SAMMSON: variants seen among roughly 807,000 people sequenced by gnomAD.
SAMMSON encodes survival associated mitochondrial melanoma specific oncogenic non-coding RNA.
At chr3:70,400,512 G>A (rs977265905) in intron 2 of SAMMSON, among the ~76,000 whole-genome samples, 9 of 152,122 alleles carry the variant, frequency 5.9e-5, no homozygotes, top group Admixed American at 4.6e-4. Context: ...CTCACCAGAC[G>A]CAGCTGCCCA....
chr3:70,059,808 C>G (rs556933705), intron 3 of SAMMSON, among the ~76,000 whole-genome samples: 11 of 152,030 alleles, frequency 7.2e-5, no homozygotes, highest in Non-Finnish European at 1.3e-4. Flanking sequence ...CTATGGGGGA[C>G]TTTCTAGCTG....
At chr3:70,333,375 AT>A (rs1249995842) in intron 7 of SAMMSON, among the ~76,000 whole-genome samples, 3 of 151,946 alleles carry the variant, frequency 2.0e-5, no homozygotes, top group African/African-American at 4.8e-5. Flanking sequence ...AATTAAAATA[AT>A]AAAAAATATT....
intron 3 of SAMMSON, among the ~76,000 whole-genome samples, chr3:70,049,486 T>C (rs2067138739): frequency 6.6e-6 from 1 of 152,166 alleles, no homozygotes; most frequent in Admixed American, 6.5e-5. Context: ...AACCTTGCCA[T>C]TGCCATTTAT....
At chr3:70,041,110 G>T (rs756996236) in intron 3 of SAMMSON, among the ~76,000 whole-genome samples, 2 of 152,070 alleles carry the variant, frequency 1.3e-5, no homozygotes, top group African/African-American at 2.4e-5. Flanking sequence ...TTTGCATGGG[G>T]CTTCTTCTAA....
chr3:70,367,803 G>C (rs1221906448), intron 9 of SAMMSON, among the ~76,000 whole-genome samples: 2 of 151,510 alleles, frequency 1.3e-5, no homozygotes, highest in Non-Finnish European at 3.0e-5. Flanking sequence ...AAATTTCATA[G>C]TGTTTTTCAT....
At chr3:70,164,779 T>C (rs1209515453) in intron 4 of SAMMSON, among the ~76,000 whole-genome samples, 1 of 152,062 alleles carries the variant, frequency 6.6e-6, no homozygotes, top group East Asian at 1.9e-4. Context: ...TATGAAGTTC[T>C]TGGAAGAGTG....
At chr3:70,361,551 T>A (rs1291860391) in intron 9 of SAMMSON, among the ~76,000 whole-genome samples, 1 of 152,180 alleles carries the variant, frequency 6.6e-6, no homozygotes, top group Non-Finnish European at 1.5e-5. Context: ...GCATCTGCAT[T>A]GGGCATGAGC....
At chr3:70,106,820 GC>G (rs2067369003) in intron 4 of SAMMSON, among the ~76,000 whole-genome samples, 1 of 152,162 alleles carries the variant, frequency 6.6e-6, no homozygotes, top group African/African-American at 2.4e-5. Flanking sequence ...GGTTAAGATA[GC>G]CTTTGAATTT....
At chr3:70,226,633 G>A (rs1701509234) in intron 4 of SAMMSON, among the ~76,000 whole-genome samples, 1 of 151,736 alleles carries the variant, frequency 6.6e-6, no homozygotes, top group Non-Finnish European at 1.5e-5. Context: ...AGCTTCTCGG[G>A]AGGCTGAGGC....
At chr3:70,404,366 T>C (rs1701163803) in intron 2 of SAMMSON, among the ~76,000 whole-genome samples, 1 of 152,164 alleles carries the variant, frequency 6.6e-6, no homozygotes. Context: ...TAATGGACAT[T>C]ATATTGACCT....
chr3:70,091,242 G>C (rs535015693), intron 4 of SAMMSON, among the ~76,000 whole-genome samples: 3 of 152,210 alleles, frequency 2.0e-5, no homozygotes, highest in Non-Finnish European at 4.4e-5. Context: ...GCACTTGGGA[G>C]ATGAGGATCC....
At chr3:70,314,248 G>A (rs1019071518) in intron 7 of SAMMSON, among the ~76,000 whole-genome samples, 1 of 152,058 alleles carries the variant, frequency 6.6e-6, no homozygotes, top group Admixed American at 6.6e-5. Context: ...TAACATGATT[G>A]CCCACAAATT....
At chr3:70,090,779 T>TAA (rs78510916) in intron 4 of SAMMSON, among the ~76,000 whole-genome samples, 29 of 141,908 alleles carry the variant, frequency 2.0e-4, no homozygotes, top group Non-Finnish European at 2.6e-4. Flanking sequence ...AAATTAAACT[T>TAA]AAAAAAAAAA....
chr3:70,280,598 G>A (rs1298304946), intron 6 of SAMMSON, among the ~76,000 whole-genome samples: 1 of 152,122 alleles, frequency 6.6e-6, no homozygotes, highest in Admixed American at 6.6e-5. Flanking sequence ...CTCAGAAGCA[G>A]CCTCAGAAGC....
chr3:70,417,112 C>G (rs534828610), intron 2 of SAMMSON, among the ~76,000 whole-genome samples: 6 of 152,232 alleles, frequency 3.9e-5, no homozygotes, highest in Middle Eastern at 3.4e-3. Flanking sequence ...CCAACTGGAA[C>G]AAAGCCTTCA....
intron 9 of SAMMSON, among the ~76,000 whole-genome samples, chr3:70,361,457 C>A (rs1174845896): frequency 6.6e-6 from 1 of 152,150 alleles, no homozygotes; most frequent in Non-Finnish European, 1.5e-5. Flanking sequence ...GTTCATGTTT[C>A]CAGAAACCTA....
At chr3:70,403,506 A>C (rs1701156662) in intron 2 of SAMMSON, among the ~76,000 whole-genome samples, 1 of 152,206 alleles carries the variant, frequency 6.6e-6, no homozygotes, top group Admixed American at 6.5e-5. Context: ...TGTAGATCGC[A>C]GATTGGCAAA....
At chr3:70,204,373 A>T (rs1310979123) in intron 4 of SAMMSON, 7 of 152,172 alleles carry the variant, frequency 4.6e-5, no homozygotes, top group Non-Finnish European at 4.4e-5. Context: ...AAATGGAGTG[A>T]GTCTGACTTA....
At chr3:70,145,479 AT>A (rs1235625148) in intron 4 of SAMMSON, among the ~76,000 whole-genome samples, 1 of 152,140 alleles carries the variant, frequency 6.6e-6, no homozygotes, top group Non-Finnish European at 1.5e-5. Context: ...CACATTTAAA[AT>A]AGTTGAAATC....
Sources: gnomAD v4.1 joint callset for allele counts (sites outside exome capture counted in the v4.1 genomes callset) on GRCh38, gnomAD v4.1.1 for gene constraint, MANE v1.5 for transcripts, NCBI Gene and HGNC (gene_info 2026-07-23, HGNC 2026-07-21) for gene names.